Variants in CADM2 observed in about 807,000 individuals in gnomAD.
CADM2 encodes the protein immunoglobulin superfamily member 4D.
Under a neutral mutation model 49.8 loss-of-function variants are expected in CADM2, and 12 were observed. That is an observed-to-expected ratio of 0.24 (90% confidence interval 0.15 to 0.39). The LOEUF (loss-of-function observed/expected upper bound fraction) is 0.39, where lower values mean the gene tolerates loss of function less well. Among genes scored for constraint, CADM2 ranks in the 10% least tolerant of loss-of-function variants. The probability of loss-of-function intolerance (pLI) is 1.00; values close to 1 mark genes in which losing one functional copy is unlikely to be tolerated. For synonymous variants in CADM2, 214 were observed against 175.4 expected (o/e 1.22, Z -1.74); for missense variants, 378 against 492.3 (o/e 0.77, Z 2.20).
At chr3:85,673,036 C>A (rs572825089) in intron 1 of CADM2, among the ~76,000 whole-genome samples, 10 of 152,240 alleles carry the variant, frequency 6.6e-5, no homozygotes, top group African/African-American at 2.4e-4. Flanking sequence ...ATGTTAGGGT[C>A]AGGCTTGCTG....
intron 1 of CADM2, among the ~76,000 whole-genome samples, chr3:85,146,355 C>T (rs952496604): frequency 5.3e-5 from 8 of 152,112 alleles, no homozygotes; most frequent in Middle Eastern, 3.4e-3. Context: ...ATTAAAGCAT[C>T]ATCATTCCTT....
intron 8 of CADM2, among the ~76,000 whole-genome samples, chr3:86,033,798 AG>A (rs1447842152): frequency 1.4e-5 from 2 of 146,874 alleles, no homozygotes; most frequent in African/African-American, 4.9e-5. Flanking sequence ...TACTGCATAT[AG>A]TATATATAAT....
At chr3:84,991,443 T>C (rs1359897050) in intron 1 of CADM2, among the ~76,000 whole-genome samples, 3 of 152,180 alleles carry the variant, frequency 2.0e-5, no homozygotes, top group Admixed American at 6.5e-5. Flanking sequence ...TGTAAAGCTA[T>C]TATGCTCTCT....
intron 1 of CADM2, among the ~76,000 whole-genome samples, chr3:85,054,261 C>T (rs1419874609): frequency 1.3e-5 from 2 of 151,418 alleles, no homozygotes; most frequent in African/African-American, 2.4e-5. Context: ...TAGGTGTGAG[C>T]GATGGGAATT....
chr3:85,284,002 A>G (rs915146929), intron 1 of CADM2, among the ~76,000 whole-genome samples: 1 of 152,170 alleles, frequency 6.6e-6, no homozygotes, highest in African/African-American at 2.4e-5. Flanking sequence ...GAAGAAGTGG[A>G]TACTATAATA....
chr3:85,645,231 G>A (rs962453156), intron 1 of CADM2, among the ~76,000 whole-genome samples: 1 of 151,918 alleles, frequency 6.6e-6, no homozygotes, highest in African/African-American at 2.4e-5. Flanking sequence ...ATATCATTTA[G>A]TTGTAGATTT....
At position 85,886,221 on chromosome 3, in the gene CADM2, C is replaced by G; in HGVS notation, c.423C>G (p.Phe141Leu). 6.2e-7 allele frequency: 1 copy of G among 1,613,760 alleles called. No individual in the cohort carries two copies. The change falls in exon 5 of 10, where the codon TTC becomes TTG. Residue 141 changes from phenylalanine (F) to leucine (L), a missense_variant. Physicochemically the swap from Phe to Leu is conservative, Grantham distance 22. Coordinates refer to ENST00000383699, the MANE Select transcript of CADM2 (RefSeq NM_001167675.2). ...GVPEKPQISG[F>L]SSPVMEGDLM... ...CTGAAAAGCCTCAGATTAGTGGATT[C>G]TCATCACCAGTTATGGAGGGTGACT...
intron 2 of CADM2, among the ~76,000 whole-genome samples, chr3:85,787,483 A>G (rs531372307): frequency 6.6e-6 from 1 of 152,238 alleles, no homozygotes; most frequent in East Asian, 1.9e-4. Flanking sequence ...GTGTTGGACA[A>G]GGGGTATTGG....
intron 1 of CADM2, among the ~76,000 whole-genome samples, chr3:85,482,118 T>C (rs2039238507): frequency 6.6e-6 from 1 of 151,694 alleles, no homozygotes; most frequent in African/African-American, 2.4e-5. Flanking sequence ...AATTCAAAAT[T>C]TGCCTTTATT....
chr3:85,388,811 C>T (rs1247122587), intron 1 of CADM2, among the ~76,000 whole-genome samples: 7 of 152,044 alleles, frequency 4.6e-5, no homozygotes, highest in Non-Finnish European at 8.8e-5. Flanking sequence ...AAATCATATT[C>T]ATCCATCTGG....
intron 7 of CADM2, among the ~76,000 whole-genome samples, chr3:85,937,773 T>C (rs541683911): frequency 6.6e-6 from 1 of 151,958 alleles, no homozygotes; most frequent in Non-Finnish European, 1.5e-5. Flanking sequence ...GTCAAATTTC[T>C]ACCAAACTAG....
chr3:85,484,296 T>C (rs981451633), intron 1 of CADM2, among the ~76,000 whole-genome samples: 35 of 151,974 alleles, frequency 2.3e-4, no homozygotes, highest in Non-Finnish European at 3.1e-4. Context: ...GCTTATGCTC[T>C]GTATTAACAC....
chr3:85,989,540 G>T (rs62261591), intron 8 of CADM2, among the ~76,000 whole-genome samples: 46,373 of 152,002 alleles, frequency 0.31, 8,369 homozygotes, highest in East Asian at 0.4. Context: ...CAGCATTCTA[G>T]AGCACAGAAC....
chr3:85,339,631 G>T (rs1449084301), intron 1 of CADM2, among the ~76,000 whole-genome samples: 1 of 150,750 alleles, frequency 6.6e-6, no homozygotes, highest in East Asian at 1.9e-4. Flanking sequence ...GGTTAATTTT[G>T]TGGGAATGAC....
At chr3:85,415,187 G>T (rs946581629) in intron 1 of CADM2, among the ~76,000 whole-genome samples, 1 of 152,024 alleles carries the variant, frequency 6.6e-6, no homozygotes, top group Non-Finnish European at 1.5e-5. Context: ...AATACAGAAA[G>T]ACATATTTGG....
intron 8 of CADM2, chr3:86,014,630 C>A: frequency 1.3e-6 from 2 of 1,588,182 alleles, no homozygotes; most frequent in Non-Finnish European, 1.7e-6. Flanking sequence ...TAGAACAGCA[C>A]CTCAAAGCTC....
chr3:85,818,769 G>T (rs1036544503), intron 3 of CADM2, among the ~76,000 whole-genome samples: 1 of 152,036 alleles, frequency 6.6e-6, no homozygotes, highest in Non-Finnish European at 1.5e-5. Flanking sequence ...AGAGGTGAAA[G>T]AAAGATAAAA....
At position 85,968,179 on chromosome 3, in the gene CADM2, T is replaced by G. The variant is rs187952807; in HGVS notation, c.970+6532T>G. ...ATTCTTAAAACAGTATCTTCTTTAA[T>G]CGCTGAGATAAAACGCTATCATTTC... On this transcript the variant is annotated intron_variant, in intron 8 of 9. Coordinates refer to ENST00000383699, the MANE Select transcript of CADM2 (RefSeq NM_001167675.2). 7.2e-5 allele frequency among the ~76,000 whole-genome samples: 11 copies of G among 151,732 alleles called. No individual in the cohort carries two copies. The East Asian group carries it at 2.0e-3, about 27-fold the overall frequency.
chr3:85,235,979 G>A (rs1418023665), intron 1 of CADM2, among the ~76,000 whole-genome samples: 1 of 152,074 alleles, frequency 6.6e-6, no homozygotes, highest in Non-Finnish European at 1.5e-5. Flanking sequence ...TATCAGCTCT[G>A]TAACTACATC....
Sources: gnomAD v4.1 joint callset for allele counts (sites outside exome capture counted in the v4.1 genomes callset) on GRCh38, gnomAD v4.1.1 for gene constraint, MANE v1.5 for transcripts, NCBI Gene and HGNC (gene_info 2026-07-23, HGNC 2026-07-21) for gene names.